MAP3K5: variants seen among roughly 807,000 people sequenced by gnomAD.
MAP3K5 encodes mitogen-activated protein kinase kinase kinase 5.
In MAP3K5, 56 loss-of-function variants were observed where a neutral mutation model predicts 158.7. The observed-to-expected ratio is 0.35, with a 90% confidence interval of 0.28 to 0.44. The LOEUF is 0.44. MAP3K5 is among the 20% of genes least tolerant of loss of function. MAP3K5 has a pLI of 1.00. For missense variants in MAP3K5, 1,294 were observed against 1,674.8 expected (o/e 0.77, Z 3.97); for synonymous variants, 579 against 601.7 (o/e 0.96, Z 0.55).
chr6:136,605,069 G>T (rs1776045969), intron 19 of MAP3K5, 140 bp downstream of exon 19: 1 of 773,800 alleles, frequency 1.3e-6, no homozygotes, highest in Non-Finnish European at 2.0e-6. Context: ...AACCGAGAGA[G>T]AATCTTCTTG....
chr6:136,720,345 T>C (rs1460225131), intron 2 of MAP3K5, 105 bp downstream of exon 2: 2 of 1,115,188 alleles, frequency 1.8e-6, no homozygotes, highest in East Asian at 5.3e-5. Flanking sequence ...ACCAAACATA[T>C]AAAAGTCTTT....
intron 7 of MAP3K5, among the ~76,000 whole-genome samples, chr6:136,681,784 T>C (rs1779947266): frequency 6.6e-6 from 1 of 152,102 alleles, no homozygotes; most frequent in East Asian, 1.9e-4. Context: ...CCGGGTGTGG[T>C]GGCGGGCGCC....
rs376414394 is a variant in MAP3K5, at chr6:136,782,055, G to GA, written c.448+9654dup. ...ACAAGGCAAAACCCTGTCTCTACTG[G>GA]AAAAAAAAAAAAAAAAAGGGTATTT... is the stretch of plus-strand genomic sequence containing the variant. On this transcript the variant is annotated intron_variant, in intron 1 of 29. Coordinates refer to ENST00000359015, the MANE Select transcript of MAP3K5 (RefSeq NM_005923.4). Among the ~76,000 whole-genome samples, 1,275 of 132,754 alleles carry GA rather than the reference G, an allele frequency of 9.6e-3. 21 individuals are homozygous for GA. Among genetic ancestry groups the GA allele is most frequent in the African/African-American group, 0.029 (1,044 of 35,990 alleles). 87.1% of individuals were successfully genotyped at this position (132,754 alleles called of 152,430 possible).
intron 19 of MAP3K5, among the ~76,000 whole-genome samples, chr6:136,604,605 G>C (rs1466067898): frequency 6.6e-6 from 1 of 152,024 alleles, no homozygotes; most frequent in Non-Finnish European, 1.5e-5. Flanking sequence ...CAAAATGCTG[G>C]CACTTGTGCT....
chr6:136,707,449 G>C (rs1188558231), intron 2 of MAP3K5, among the ~76,000 whole-genome samples: 2 of 151,892 alleles, frequency 1.3e-5, no homozygotes, highest in African/African-American at 4.8e-5. Flanking sequence ...CCAGGCCGGA[G>C]AGCTAGGTAA....
At chr6:136,683,772 C>A (rs1780032197) in intron 7 of MAP3K5, among the ~76,000 whole-genome samples, 1 of 152,130 alleles carries the variant, frequency 6.6e-6, no homozygotes, top group South Asian at 2.1e-4. Context: ...AAACTGAAAT[C>A]TAGACATTTC....
chr6:136,573,372 T>C (rs575123101), intron 25 of MAP3K5, among the ~76,000 whole-genome samples: 1 of 152,348 alleles, frequency 6.6e-6, no homozygotes, highest in Admixed American at 6.5e-5. Context: ...TACCACCAGC[T>C]TTCTTGGTTC....
chr6:136,642,929 C>T (rs954941089), intron 11 of MAP3K5, among the ~76,000 whole-genome samples: 4 of 151,870 alleles, frequency 2.6e-5, no homozygotes, highest in Non-Finnish European at 5.9e-5. Flanking sequence ...ACTTCTTTTC[C>T]GAGAAAGATA....
At chr6:136,581,972 A>G (rs1774898896) in intron 24 of MAP3K5, among the ~76,000 whole-genome samples, 1 of 151,972 alleles carries the variant, frequency 6.6e-6, no homozygotes, top group Non-Finnish European at 1.5e-5. Context: ...AGTTCCAGCT[A>G]CTCGGGAGGC....
chr6:136,723,283 A>T (rs1481411226), intron 1 of MAP3K5, among the ~76,000 whole-genome samples: 1 of 151,962 alleles, frequency 6.6e-6, no homozygotes, highest in Non-Finnish European at 1.5e-5. Flanking sequence ...GTAGAATAAG[A>T]CTTAGCAACA....
At chr6:136,567,448 G>A (rs1774169324) in intron 26 of MAP3K5, among the ~76,000 whole-genome samples, 183 bp downstream of exon 26, 1 of 152,216 alleles carries the variant, frequency 6.6e-6, no homozygotes, top group African/African-American at 2.4e-5. Flanking sequence ...GCTTAAACTG[G>A]TAGAGGCAGA....
intron 25 of MAP3K5, among the ~76,000 whole-genome samples, chr6:136,575,332 T>C (rs922215500): frequency 6.6e-6 from 1 of 151,808 alleles, no homozygotes; most frequent in African/African-American, 2.4e-5. Context: ...TGACTTATTT[T>C]TGTATTTTTC....
intron 3 of MAP3K5, 146 bp downstream of exon 3, chr6:136,704,964 C>G: frequency 2.0e-6 from 1 of 491,444 alleles, no homozygotes; most frequent in South Asian, 2.6e-5. Flanking sequence ...CTTAGATAAC[C>G]ATATTTATAT....
intron 3 of MAP3K5, among the ~76,000 whole-genome samples, chr6:136,700,922 CATACGGAGA>C (rs1225102039): frequency 1.3e-5 from 2 of 152,158 alleles, no homozygotes; most frequent in Non-Finnish European, 2.9e-5. Flanking sequence ...GCCATATGAG[CATACGGAGA>C]ATAATACAGC....
chr6:136,735,814 G>A (rs1339522992), intron 1 of MAP3K5, among the ~76,000 whole-genome samples: 1 of 151,986 alleles, frequency 6.6e-6, no homozygotes, highest in Admixed American at 6.6e-5. Flanking sequence ...GGGTGACAGA[G>A]CACGAACCTA....
chr6:136,625,714 G>C (rs527493747), intron 14 of MAP3K5, among the ~76,000 whole-genome samples: 6 of 152,226 alleles, frequency 3.9e-5, no homozygotes, highest in African/African-American at 1.4e-4. Flanking sequence ...TTGCTATGCA[G>C]AATTCTTACT....
intron 1 of MAP3K5, among the ~76,000 whole-genome samples, chr6:136,784,486 A>G (rs953125116): frequency 2.0e-5 from 3 of 152,234 alleles, no homozygotes; most frequent in Admixed American, 6.5e-5. Context: ...GGGAACGTGA[A>G]CAGCTCAGAG....
intron 1 of MAP3K5, among the ~76,000 whole-genome samples, chr6:136,734,419 C>T (rs1176429107): frequency 7.6e-5 from 4 of 52,760 alleles, no homozygotes; most frequent in East Asian, 5.6e-4. Flanking sequence ...GACTCTGTCT[C>T]GGAAAAAAAA....
intron 7 of MAP3K5, among the ~76,000 whole-genome samples, chr6:136,687,136 T>C (rs913349134): frequency 5.3e-5 from 8 of 152,224 alleles, no homozygotes; most frequent in African/African-American, 1.9e-4. Context: ...TCCGACCATC[T>C]GATCTTTGAC....
Sources: gnomAD v4.1 joint callset for allele counts (sites outside exome capture counted in the v4.1 genomes callset) on GRCh38, gnomAD v4.1.1 for gene constraint, MANE v1.5 for transcripts, NCBI Gene and HGNC (gene_info 2026-07-23, HGNC 2026-07-21) for gene names.